The following ATP9B variants were observed in gnomAD, a reference collection of about 807,000 sequenced individuals.
ATP9B encodes ATPase phospholipid transporting 9B.
ATP9B carries 110 observed loss-of-function variants against 146.1 expected under a neutral mutation model. The ratio of observed to expected loss-of-function variants is 0.75; its 90% CI spans 0.65 to 0.88. The LOEUF is 0.88. Among genes scored for constraint, ATP9B ranks in the 40% least tolerant of loss-of-function variants. ATP9B has a pLI of 0.00. For missense variants in ATP9B, 1,499 were observed against 1,496.4 expected (o/e 1.00, Z -0.03); for synonymous variants, 604 against 569.7 (o/e 1.06, Z -0.86).
At chr18:79,283,755 C>T (rs189355431) in intron 13 of ATP9B, among the ~76,000 whole-genome samples, 41 of 152,248 alleles carry the variant, frequency 2.7e-4, no homozygotes, top group Admixed American at 2.5e-3. Context: ...TACTCGACGC[C>T]GGCTGATAAA....
chr18:79,352,788 T>C (rs2096929341), intron 25 of ATP9B: 1 of 152,202 alleles, frequency 6.6e-6, no homozygotes, highest in Non-Finnish European at 1.5e-5. Context: ...TGGCACAGAC[T>C]TCCTAAGCAT....
chr18:79,167,286 A>T (rs1481548188), intron 7 of ATP9B, among the ~76,000 whole-genome samples: 77 of 152,300 alleles, frequency 5.1e-4, no homozygotes, highest in Non-Finnish European at 1.8e-4. Context: ...AGAACAAGGT[A>T]TATGGACAAC....
chr18:79,284,504 G>T lies in ATP9B; in HGVS notation c.1411+7308G>T, dbSNP rs534329560. 1.7e-4 allele frequency among the ~76,000 whole-genome samples: 26 copies of T among 152,206 alleles called. No individual in the cohort carries two copies. The South Asian group carries it at 5.2e-3, about 30-fold the overall frequency. On this transcript the variant is annotated intron_variant, in intron 13 of 29. Transcript: ENST00000426216. ...CACTTTAAACAGTGTCATTGACTTT[G>T]AATATATTTGGCTTCACTTTTAAAA...
chr18:79,317,968 C>G (rs892916601), intron 15 of ATP9B, among the ~76,000 whole-genome samples: 9 of 152,204 alleles, frequency 5.9e-5, no homozygotes, highest in Non-Finnish European at 1.3e-4. Context: ...GACACAGAAG[C>G]CAACTGGAAA....
intron 11 of ATP9B, among the ~76,000 whole-genome samples, chr18:79,225,542 C>G (rs1380513280): frequency 2.0e-5 from 3 of 152,258 alleles, no homozygotes; most frequent in African/African-American, 4.8e-5. Flanking sequence ...GTTTTGGCCC[C>G]GCAGTTGTAG....
intron 12 of ATP9B, among the ~76,000 whole-genome samples, chr18:79,269,830 C>G (rs932301810): frequency 2.0e-5 from 3 of 152,242 alleles, no homozygotes; most frequent in African/African-American, 7.2e-5. Context: ...AACCTGACTT[C>G]AGCTCCACAA....
intron 9 of ATP9B, among the ~76,000 whole-genome samples, chr18:79,197,389 TTAAA>T (rs893230363): frequency 2.6e-5 from 4 of 151,772 alleles, no homozygotes; most frequent in Non-Finnish European, 5.9e-5. Flanking sequence ...AATTAATGAA[TTAAA>T]TAAGTATATG....
intron 15 of ATP9B, among the ~76,000 whole-genome samples, chr18:79,314,222 C>G (rs796740502): frequency 1.3e-5 from 2 of 152,178 alleles, no homozygotes; most frequent in South Asian, 4.1e-4. Flanking sequence ...CCACTGTGCA[C>G]CCATACCATC....
intron 10 of ATP9B, among the ~76,000 whole-genome samples, chr18:79,208,726 A>G (rs1366629968): frequency 6.6e-6 from 1 of 151,288 alleles, no homozygotes; most frequent in African/African-American, 2.4e-5. Context: ...TAAATGTTAC[A>G]TACATATAAA....
intron 10 of ATP9B, among the ~76,000 whole-genome samples, chr18:79,210,702 G>C (rs1384241572): frequency 1.3e-5 from 2 of 152,244 alleles, no homozygotes; most frequent in African/African-American, 4.8e-5. Flanking sequence ...GCCCCAGGGA[G>C]CAGTGCACAC....
chr18:79,303,218 T>C (rs966532933), intron 13 of ATP9B, among the ~76,000 whole-genome samples: 1 of 152,116 alleles, frequency 6.6e-6, no homozygotes, highest in African/African-American at 2.4e-5. Context: ...AAAAATTAGC[T>C]GGGTGTGTTG....
At chr18:79,111,270 C>T (rs1029511223) in intron 3 of ATP9B, among the ~76,000 whole-genome samples, 3 of 152,046 alleles carry the variant, frequency 2.0e-5, no homozygotes, top group African/African-American at 7.2e-5. Flanking sequence ...AAGTTTTTGG[C>T]ATGTTTTATG....
chr18:79,291,992 A>G lies in ATP9B; in HGVS notation c.1412-11612A>G, dbSNP rs150962514. 5.9e-5 allele frequency among the ~76,000 whole-genome samples: 9 copies of G among 152,338 alleles called. No individual in the cohort carries two copies. In the East Asian group the frequency reaches 1.7e-3, roughly 29 times the overall value. On this transcript the variant is annotated intron_variant, in intron 13 of 29. Transcript: ENST00000426216. Reference sequence around the variant, plus strand: ...CGTTCCACGTAAATGAGTCAGACCTATGCAGTCCCTGCTGGCCTCCTTCAC... The same window carrying G: ...CGTTCCACGTAAATGAGTCAGACCTGTGCAGTCCCTGCTGGCCTCCTTCAC...
At chr18:79,242,475 A>G (rs577473857) in intron 11 of ATP9B, among the ~76,000 whole-genome samples, 9 of 152,238 alleles carry the variant, frequency 5.9e-5, no homozygotes, top group Non-Finnish European at 1.2e-4. Flanking sequence ...GCTTCCTGAC[A>G]TGCATCATTA....
intron 12 of ATP9B, among the ~76,000 whole-genome samples, chr18:79,260,574 C>T (rs1381820483): frequency 1.3e-5 from 2 of 152,194 alleles, no homozygotes; most frequent in Non-Finnish European, 2.9e-5. Context: ...TCAGGATATG[C>T]ACAGGAGACC....
intron 13 of ATP9B, among the ~76,000 whole-genome samples, chr18:79,287,531 C>T (rs1377759912): frequency 1.3e-5 from 2 of 151,820 alleles, no homozygotes; most frequent in African/African-American, 2.4e-5. Flanking sequence ...GTCTTGCTAG[C>T]GGTCTATCAA....
At chr18:79,316,498 G>C (rs1284500171) in intron 15 of ATP9B, among the ~76,000 whole-genome samples, 1 of 152,114 alleles carries the variant, frequency 6.6e-6, no homozygotes, top group African/African-American at 2.4e-5. Context: ...ACCAAAGACT[G>C]CAAATAATAA....
intron 13 of ATP9B, among the ~76,000 whole-genome samples, chr18:79,299,141 G>A (rs1268111318): frequency 6.7e-6 from 1 of 149,300 alleles, no homozygotes; most frequent in Admixed American, 6.7e-5. Context: ...CCACCACTCT[G>A]TCCTTAGAAT....
intron 11 of ATP9B, among the ~76,000 whole-genome samples, chr18:79,238,071 A>C (rs2095858147): frequency 6.6e-6 from 1 of 152,156 alleles, no homozygotes; most frequent in Non-Finnish European, 1.5e-5. Context: ...AATAAAAAAA[A>C]AATTTTGGTG....
Sources: allele counts gnomAD v4.1 joint callset (sites outside exome capture counted in the v4.1 genomes callset), GRCh38; gene constraint gnomAD v4.1.1; transcripts MANE v1.5; gene names NCBI Gene and HGNC (gene_info 2026-07-23, HGNC 2026-07-21).